The following PCDHGA4 variants were observed in gnomAD, a reference collection of about 807,000 sequenced individuals.
PCDHGA4 encodes the protein protocadherin gamma-A4.
PCDHGA4 carries 38 observed loss-of-function variants against 54.6 expected under a neutral mutation model. That is an observed-to-expected ratio of 0.70 (90% CI 0.54 to 0.91). The LOEUF is 0.91. PCDHGA4 is among the 40% of genes least tolerant of loss of function. The probability of loss-of-function intolerance (pLI) is 0.00; values close to 1 mark genes in which losing one functional copy is unlikely to be tolerated. For synonymous variants in PCDHGA4, 511 were observed against 512.9 expected (o/e 1.00, Z 0.05); for missense variants, 1,298 against 1,220.9 (o/e 1.06, Z -0.94).
chr5:141,404,880 T>C, intron 1 of PCDHGA4: 2 of 1,613,896 alleles, frequency 1.2e-6, no homozygotes, highest in Non-Finnish European at 8.5e-7. Flanking sequence ...CAGAGCCTTG[T>C]GGTGGCTGTA....
intron 1 of PCDHGA4, chr5:141,383,307 A>G (rs1207101754): frequency 3.1e-6 from 5 of 1,613,874 alleles, no homozygotes; most frequent in Non-Finnish European, 4.2e-6. Flanking sequence ...TCTTGACGGA[A>G]GAAATAAATG....
At chr5:141,411,302 G>T (rs1165336405) in intron 1 of PCDHGA4, 1 of 152,134 alleles carries the variant, frequency 6.6e-6, no homozygotes, top group Admixed American at 6.6e-5. Context: ...AGGCCCAGTG[G>T]CTCACACCTA....
intron 1 of PCDHGA4, chr5:141,370,251 A>G (rs981279976): frequency 4.3e-6 from 3 of 695,796 alleles, no homozygotes; most frequent in Non-Finnish European, 6.9e-6. Context: ...TGCACTCTCT[A>G]TCAGGCTTCC....
rs749684792 is a variant in PCDHGA4, at chr5:141,355,598, T to C, written c.491T>C (p.Phe164Ser). ...IIDVNDNPPS[F>S]GTEQREIKVA... The stretch of plus-strand genomic sequence containing the variant: ...GATGTTAATGATAACCCACCCAGTT[T>C]TGGGACAGAACAGAGGGAAATAAAA... The change falls in exon 1 of 4, where the codon TTT becomes TCT. Residue 164 changes from phenylalanine to serine, a missense_variant. Physicochemically the swap from Phe to Ser is radical, Grantham distance 155. Coordinates refer to ENST00000571252, the MANE Select transcript of PCDHGA4 (RefSeq NM_018917.4). The C allele has an allele frequency of 9.3e-6, 15 of 1,613,952 alleles. No individual in the cohort carries two copies. The highest frequency in any genetic ancestry group is 1.3e-5 in the Non-Finnish European group (15 of 1,179,864).
At chr5:141,424,036 C>T (rs2096796408) in intron 1 of PCDHGA4, 1 of 1,029,488 alleles carries the variant, frequency 9.7e-7, no homozygotes, top group Non-Finnish European at 1.2e-6. Flanking sequence ...CTTTTTATTT[C>T]CATTTCAATT....
At chr5:141,400,237 A>AT in intron 1 of PCDHGA4, 3 of 1,613,870 alleles carry the variant, frequency 1.9e-6, no homozygotes, top group Non-Finnish European at 2.5e-6. Flanking sequence ...CCTGGCCGTG[A>AT]TTCTGGCCGT....
rs775012950 is a variant in PCDHGA4, at chr5:141,428,225, A to T, written c.2515-66582A>T. On this transcript the variant is annotated intron_variant, in intron 1 of 3. Coordinates refer to ENST00000571252, the MANE Select transcript of PCDHGA4 (RefSeq NM_018917.4). ...GCTACGCTTCACCTAGTCTTCGCAG[A>T]CAGCCTGCAGGAGGCACTGCCAGAC... is the stretch of plus-strand genomic sequence containing the variant. 19 of 1,156,574 alleles carry T rather than the reference A, an allele frequency of 1.6e-5. No homozygotes were observed. In the Admixed American group the frequency reaches 3.1e-4, roughly 19 times the overall value. 71.6% of individuals were successfully genotyped at this position (1,156,574 alleles called of 1,614,324 possible).
intron 1 of PCDHGA4, chr5:141,422,520 G>A (rs759529752): frequency 1.9e-6 from 3 of 1,613,946 alleles, no homozygotes; most frequent in South Asian, 2.2e-5. Flanking sequence ...AGGGAAGCCC[G>A]CCTTTGTCTG....
chr5:141,400,232 C>T (rs2093984634), intron 1 of PCDHGA4: 1 of 1,614,032 alleles, frequency 6.2e-7, no homozygotes. Context: ...TTCCTCCTGG[C>T]CGTGATTCTG....
rs879045129 is a variant in PCDHGA4, at chr5:141,366,878, A to T, written c.2514+9257A>T. 2.5e-5 allele frequency: 33 copies of T among 1,341,426 alleles called. No homozygotes were observed. The South Asian group carries it at 4.2e-4, about 17-fold the overall frequency. The allele number at this position is 1,341,426 out of a possible 1,614,324, so 83.1% of individuals were successfully genotyped here. On this transcript the variant is annotated intron_variant, in intron 1 of 3. Transcript: ENST00000571252. Reference sequence around the variant, plus strand: ...ACATTATTTGCTGTATTGGAGATTAATTTTTTTTATATAATTCATGCTTTC... The same window carrying T: ...ACATTATTTGCTGTATTGGAGATTATTTTTTTTTATATAATTCATGCTTTC...
chr5:141,390,392 C>A, intron 1 of PCDHGA4: 1 of 1,390,890 alleles, frequency 7.2e-7, no homozygotes. Flanking sequence ...TGTCATGGAT[C>A]ATTTTAGGAA....
intron 1 of PCDHGA4, chr5:141,422,819 TGA>T (rs766395950): frequency 1.9e-5 from 31 of 1,614,068 alleles, no homozygotes; most frequent in Middle Eastern, 1.6e-4. Flanking sequence ...GACTTAGAAC[TGA>T]GAGTGATAGC....
chr5:141,464,843 A>G lies in PCDHGA4; in HGVS notation c.2515-29964A>G, dbSNP rs183890796. On this transcript the variant is annotated intron_variant, in intron 1 of 3. Coordinates refer to ENST00000571252, the MANE Select transcript of PCDHGA4 (RefSeq NM_018917.4). Reference sequence around the variant, plus strand: ...AGCCTCGCACTCCTGGGCTCAAGCAATCCTCCTACCTTAGCCTCCCAAGTA... The same window carrying G: ...AGCCTCGCACTCCTGGGCTCAAGCAGTCCTCCTACCTTAGCCTCCCAAGTA... 1.5e-3 allele frequency among the ~76,000 whole-genome samples: 231 copies of G among 152,234 alleles called. 1 individual carries two copies. Among genetic ancestry groups the G allele is most frequent in the Non-Finnish European group, 2.3e-3 (159 of 68,018 alleles).
intron 1 of PCDHGA4, among the ~76,000 whole-genome samples, chr5:141,425,078 G>A (rs1196415752): frequency 3.9e-5 from 6 of 152,112 alleles, no homozygotes; most frequent in Admixed American, 6.5e-5. Flanking sequence ...AATTTCAACT[G>A]TAGGAAAGGC....
In PCDHGA4 at chr5:141,357,156, C is replaced by T. The variant is rs1352604728; in HGVS notation, c.2049C>T (p.Pro683=). ...LVVVVQDHGQ[P]PLSATVTLTV... The stretch of plus-strand genomic sequence containing the variant: ...TGGTCGTCCAGGACCATGGCCAGCC[C>T]CCTCTCTCGGCCACCGTCACACTCA... Residue 683 remains proline (P), a synonymous_variant, in exon 1 of 4, where the codon CCC becomes CCT. Transcript: ENST00000571252. 5 of 1,613,668 alleles carry T rather than the reference C, an allele frequency of 3.1e-6. No homozygotes were observed. The highest frequency in any genetic ancestry group is 2.2e-5 in the East Asian group (1 of 44,886).
chr5:141,362,375 C>CTGTA, intron 1 of PCDHGA4: 1 of 1,614,040 alleles, frequency 6.2e-7, no homozygotes, highest in Non-Finnish European at 8.5e-7. Context: ...AGTGAGGGTA[C>CTGTA]ATTGCCCTAT....
rs1230103133 is a variant in PCDHGA4, at chr5:141,357,488, C to G, written c.2381C>G (p.Ser794Trp). 2 of 1,614,218 alleles carry G rather than the reference C, an allele frequency of 1.2e-6. No individual in the cohort carries two copies. Among genetic ancestry groups the G allele is most frequent in the Admixed American group, 1.7e-5 (1 of 60,036 alleles). Residue 794 changes from serine (S) to tryptophan (W), a missense_variant, in exon 1 of 4, where the codon TCG (serine) becomes TGG (tryptophan). By Grantham distance (177) the Ser-to-Trp change is radical. Transcript: ENST00000571252. ...YSHEVSLTAD[S>W]RKSHLIFSQP... ...CACGAGGTCTCCCTCACCGCGGACT[C>G]GCGGAAGAGTCACCTGATCTTCTCC...
chr5:141,365,902 G>T, intron 1 of PCDHGA4: 1 of 1,614,256 alleles, frequency 6.2e-7, no homozygotes, highest in Non-Finnish European at 8.5e-7. Context: ...ACTATGAGCA[G>T]TTGAGAGACC....
intron 1 of PCDHGA4, among the ~76,000 whole-genome samples, chr5:141,368,092 A>G (rs1319696119): frequency 6.6e-6 from 1 of 152,216 alleles, no homozygotes; most frequent in South Asian, 2.1e-4. Context: ...TTTGCTGAAG[A>G]TGATTTTCAG....
Sources: gnomAD v4.1 joint callset for allele counts (sites outside exome capture counted in the v4.1 genomes callset) on GRCh38, gnomAD v4.1.1 for gene constraint, MANE v1.5 for transcripts, NCBI Gene and HGNC (gene_info 2026-07-23, HGNC 2026-07-21) for gene names.